SGCG: variants seen among roughly 807,000 people sequenced by gnomAD.
The protein encoded by SGCG is gamma-sarcoglycan.
In SGCG, 26 loss-of-function variants were observed where a neutral mutation model predicts 29.3. The ratio of observed to expected loss-of-function variants is 0.89; its 90% CI spans 0.65 to 1.23. The LOEUF is 1.23. SGCG is among the 50% of genes most tolerant of loss of function. SGCG has a pLI of 0.00. For missense variants in SGCG, 353 were observed against 356.0 expected (o/e 0.99, Z 0.07); for synonymous variants, 145 against 129.7 (o/e 1.12, Z -0.80).
chr13:23,218,113 A>C (rs73168655), intron 2 of SGCG, among the ~76,000 whole-genome samples: 6,177 of 152,272 alleles, frequency 0.041, 196 homozygotes, highest in Non-Finnish European at 0.062. Context: ...TGATTTGAGA[A>C]AAAAACTTGC....
Position 23,250,539 on chromosome 13 carries a change from T to A in SGCG, c.298-91T>A. On this transcript the variant is annotated intron_variant, in intron 3 of 7. Transcript: ENST00000218867. ...AGGATCTGTAACAATGGATAAATAATTTTATAAAAATCCTAAATTTACACA... is the reference window on the plus strand; with the variant it reads ...AGGATCTGTAACAATGGATAAATAAATTTATAAAAATCCTAAATTTACACA... 5.4e-6 allele frequency: 4 copies of A among 740,256 alleles called. No homozygotes were observed. In the Middle Eastern group the frequency reaches 7.6e-4, roughly 141 times the overall value. The allele number at this position is 740,256 out of a possible 1,614,324, so 45.9% of individuals were successfully genotyped here.
upstream of SGCG, among the ~76,000 whole-genome samples, chr13:23,180,445 A>G (rs1160564415): frequency 1.3e-5 from 2 of 152,162 alleles, no homozygotes; most frequent in South Asian, 2.1e-4. Flanking sequence ...TTTTCTCCTC[A>G]GATGTTAAAA....
Position 23,275,312 on chromosome 13 carries a change from C to T in SGCG, c.386-4047C>T, listed in dbSNP as rs148916270. On this transcript the variant is annotated intron_variant, in intron 4 of 7. Transcript: ENST00000218867. ...GGCGGATCACTTGAGGCCAGGAGTT[C>T]AAGACTAGCCTGGGCAACATGGCAA... Among the ~76,000 whole-genome samples the T allele has an allele frequency of 4.7e-4, 72 of 151,692 alleles. No individual in the cohort carries two copies. In the East Asian group the frequency reaches 0.013, roughly 27 times the overall value.
upstream of SGCG, among the ~76,000 whole-genome samples, chr13:23,178,687 C>G (rs756947692): frequency 1.9e-4 from 29 of 152,190 alleles, no homozygotes; most frequent in Admixed American, 3.3e-4. Context: ...TCTCATTCCC[C>G]TATTTCCACA....
At chr13:23,191,780 T>C (rs1405512196) in intron 1 of SGCG, among the ~76,000 whole-genome samples, 3 of 152,164 alleles carry the variant, frequency 2.0e-5, no homozygotes, top group African/African-American at 7.2e-5. Flanking sequence ...CATATGAAGG[T>C]AGAATTTTAT....
intron 5 of SGCG, among the ~76,000 whole-genome samples, chr13:23,289,476 T>A (rs1171631592): frequency 1.3e-5 from 2 of 152,246 alleles, no homozygotes; most frequent in African/African-American, 4.8e-5. Flanking sequence ...TCTCTAAACA[T>A]CTATCTATAA....
intron 1 of SGCG, among the ~76,000 whole-genome samples, chr13:23,188,327 T>TC (rs1470982421): frequency 7.2e-6 from 1 of 139,626 alleles, no homozygotes; most frequent in African/African-American, 2.7e-5. Flanking sequence ...TTTTTTTTTT[T>TC]TTTTTTTTTT....
chr13:23,299,664 G>T lies in SGCG; in HGVS notation c.578+4177G>T, dbSNP rs557742379. Among the ~76,000 whole-genome samples the T allele has an allele frequency of 2.1e-4, 31 of 151,164 alleles. No homozygotes were observed. The East Asian group carries it at 5.5e-3, about 27-fold the overall frequency. ...AGATGGGGTTTCACTGTGTTAGCCAGGATGGTCTTGACCTCCTGACCTCGT... is the reference window on the plus strand; with the variant it reads ...AGATGGGGTTTCACTGTGTTAGCCATGATGGTCTTGACCTCCTGACCTCGT... On this transcript the variant is annotated intron_variant, in intron 6 of 7. Transcript: ENST00000218867.
chr13:23,273,186 CT>C (rs10556974), intron 4 of SGCG, among the ~76,000 whole-genome samples: 112 of 145,698 alleles, frequency 7.7e-4, no homozygotes, highest in East Asian at 1.8e-3. Context: ...GAACTTAGTT[CT>C]TTTTTTTTTT....
rs367714248 is a variant in SGCG at position 23,223,891 on chromosome 13, G to A, written c.196-10720G>A. Among the ~76,000 whole-genome samples, 205 of 152,226 alleles carry A rather than the reference G, an allele frequency of 1.3e-3. 1 individual carries two copies. Among genetic ancestry groups the A allele is most frequent in the African/African-American group, 4.5e-3 (185 of 41,538 alleles). ...TGAGGCAAGAGAATCGCTTGAACCC[G>A]GGAGGTGGAGGTTGCAGTGAGCTGA... On this transcript the variant is annotated intron_variant, in intron 2 of 7. Transcript: ENST00000218867.
chr13:23,210,601 G>C (rs1566000626), intron 2 of SGCG, among the ~76,000 whole-genome samples: 1 of 152,110 alleles, frequency 6.6e-6, no homozygotes, highest in Non-Finnish European at 1.5e-5. Flanking sequence ...TGAAGCAAGA[G>C]AATGCGGTGA....
intron 6 of SGCG, among the ~76,000 whole-genome samples, chr13:23,312,428 A>C (rs1391904208): frequency 6.6e-6 from 1 of 152,266 alleles, no homozygotes; most frequent in Non-Finnish European, 1.5e-5. Flanking sequence ...TAAGATTTTA[A>C]AAACATATTG....
chr13:23,225,985 T>G (rs1273529000), intron 2 of SGCG, among the ~76,000 whole-genome samples: 1 of 152,160 alleles, frequency 6.6e-6, no homozygotes, highest in Non-Finnish European at 1.5e-5. Flanking sequence ...GTTCATTCAT[T>G]TACTTATTCA....
chr13:23,214,008 T>C (rs1021615608), intron 2 of SGCG, among the ~76,000 whole-genome samples: 12 of 152,236 alleles, frequency 7.9e-5, no homozygotes, highest in African/African-American at 2.7e-4. Flanking sequence ...GTTCCATAGA[T>C]AGTTTTTTGG....
In SGCG at chr13:23,242,324, C is replaced by CA. The variant is rs1212734676; in HGVS notation, c.297+7617dup. On this transcript the variant is annotated intron_variant, in intron 3 of 7. Coordinates refer to ENST00000218867, the MANE Select transcript of SGCG (RefSeq NM_000231.3). Reference sequence around the variant, plus strand: ...GTACTTGCCCTCTAATCTACATTTTCAAAAAGTATCTTAAAACATCAATCT... The same window carrying CA: ...GTACTTGCCCTCTAATCTACATTTTCAAAAAAGTATCTTAAAACATCAATCT... Among the ~76,000 whole-genome samples the CA allele has an allele frequency of 3.3e-5, 5 of 152,188 alleles. No individual in the cohort carries two copies. In the East Asian group the frequency reaches 9.6e-4, roughly 29 times the overall value.
At chr13:23,285,915 T>C (rs139251129) in intron 5 of SGCG, among the ~76,000 whole-genome samples, 144 of 152,304 alleles carry the variant, frequency 9.5e-4, no homozygotes, top group African/African-American at 3.3e-3. Context: ...CACCCTGCTT[T>C]GGCTCACCCT....
At chr13:23,203,587 A>T in intron 1 of SGCG, 108 bp from the exon 2 acceptor site, 1 of 778,030 alleles carries the variant, frequency 1.3e-6, no homozygotes, top group African/African-American at 1.7e-5. Context: ...TATGACTGGG[A>T]TGAAAAATAT....
intron 5 of SGCG, among the ~76,000 whole-genome samples, chr13:23,282,126 C>T (rs1881327928): frequency 6.6e-6 from 1 of 152,144 alleles, no homozygotes; most frequent in African/African-American, 2.4e-5. Context: ...ACACCATGAA[C>T]TGTGAGTGTA....
At chr13:23,308,993 ATC>A (rs931203858) in intron 6 of SGCG, among the ~76,000 whole-genome samples, 6 of 152,062 alleles carry the variant, frequency 3.9e-5, no homozygotes, top group African/African-American at 1.2e-4. Context: ...AATATGGTAT[ATC>A]TCTCTATTCA....
Sources: allele counts gnomAD v4.1 joint callset (sites outside exome capture counted in the v4.1 genomes callset), GRCh38; gene constraint gnomAD v4.1.1; transcripts MANE v1.5; gene names NCBI Gene and HGNC (gene_info 2026-07-23, HGNC 2026-07-21).